NAALAD2: variants seen among roughly 807,000 people sequenced by gnomAD.
NAALAD2 encodes the protein N-acetylated-alpha-linked acidic dipeptidase 2.
A neutral mutation model predicts 95.6 loss-of-function variants in NAALAD2; 89 were observed. The observed-to-expected ratio is 0.93, with a 90% CI of 0.78 to 1.11. The LOEUF is 1.11. NAALAD2 is among the 50% of genes least tolerant of loss of function. The pLI, the probability that NAALAD2 is intolerant of heterozygous loss-of-function variation, is 0.00. For missense variants in NAALAD2, 894 were observed against 872.4 expected (o/e 1.02, Z -0.31); for synonymous variants, 264 against 294.4 (o/e 0.90, Z 1.06).
At chr11:90,174,967 T>C (rs1952745088) in intron 14 of NAALAD2, among the ~76,000 whole-genome samples, 1 of 152,088 alleles carries the variant, frequency 6.6e-6, no homozygotes, top group Non-Finnish European at 1.5e-5. Context: ...TTATGTAAAA[T>C]TAAGTTTAGG....
At chr11:90,168,858 A>G (rs2134943264) in intron 11 of NAALAD2, 71 bp from the exon 12 acceptor site, 2 of 1,256,760 alleles carry the variant, frequency 1.6e-6, no homozygotes, top group Non-Finnish European at 2.3e-6. Flanking sequence ...CACGAAATTA[A>G]TTTGCTTATT....
chr11:90,147,216 A>T, intron 2 of NAALAD2, 114 bp from the exon 3 acceptor site: 1 of 820,644 alleles, frequency 1.2e-6, no homozygotes. Flanking sequence ...TTTATCTGTC[A>T]TATAGGAATG....
intron 1 of NAALAD2, 125 bp from the exon 2 acceptor site, chr11:90,135,434 C>T (rs1321706187): frequency 6.0e-6 from 3 of 496,006 alleles, no homozygotes; most frequent in African/African-American, 1.9e-5. Flanking sequence ...TTTTAAAGCT[C>T]ACCATGATCT....
chr11:90,138,725 C>CTTTTTTTTTTTTTTTTTTTT (rs562496549), intron 2 of NAALAD2, among the ~76,000 whole-genome samples: 3 of 61,528 alleles, frequency 4.9e-5, no homozygotes, highest in Admixed American at 2.0e-4. Flanking sequence ...CATCCCTCAA[C>CTTTTTTTTTTTTTTTTTTTT]TTTTTTTTTT....
chr11:90,155,400 AT>A (rs1229477340), intron 6 of NAALAD2, among the ~76,000 whole-genome samples: 1 of 80,598 alleles, frequency 1.2e-5, no homozygotes, highest in South Asian at 3.4e-4. Flanking sequence ...AATATATAAT[AT>A]ATATAATGTA....
At chr11:90,144,797 G>A (rs1951711810) in intron 2 of NAALAD2, among the ~76,000 whole-genome samples, 1 of 147,612 alleles carries the variant, frequency 6.8e-6, no homozygotes, top group Admixed American at 7.0e-5. Flanking sequence ...ATTCAGAGAA[G>A]GTGCTGAAGA....
chr11:90,175,711 T>C (rs1952770349), intron 14 of NAALAD2, among the ~76,000 whole-genome samples: 1 of 152,172 alleles, frequency 6.6e-6, no homozygotes, highest in African/African-American at 2.4e-5. Context: ...CCAATTCTTG[T>C]TATAGGTTGG....
Position 90,191,695 on chromosome 11 carries a change from T to A in NAALAD2, c.2171T>A (p.Ile724Asn). The A allele has an allele frequency of 1.2e-6, 2 of 1,600,512 alleles. No homozygotes were observed. The highest frequency in any genetic ancestry group is 2.3e-5 in the South Asian group (2 of 87,528). ...AWKEVKKHIS[I>N]AAFTIQAAAG... ...AAAGAAGTAAAGAAACATATTTCTA[T>A]TGCAGCTTTTACAATTCAAGCAGCA... Residue 724 changes from isoleucine (I) to asparagine (N), a missense_variant, in exon 19 of 19, where the codon ATT becomes AAT. Physicochemically the swap from Ile to Asn is moderately radical, Grantham distance 149. Coordinates refer to ENST00000534061, the MANE Select transcript of NAALAD2 (RefSeq NM_005467.4).
At chr11:90,150,725 C>T (rs56341659) in intron 5 of NAALAD2, 118 bp downstream of exon 5, 353,382 of 934,612 alleles carry the variant, frequency 0.38, 69,713 homozygotes, top group African/African-American at 0.62. Context: ...TTCTTTTTTT[C>T]TTCCTATTTG....
At chr11:90,155,421 A>G (rs1373829626) in intron 6 of NAALAD2, among the ~76,000 whole-genome samples, 3 of 105,076 alleles carry the variant, frequency 2.9e-5, no homozygotes, top group Non-Finnish European at 5.2e-5. Flanking sequence ...AATATTACAT[A>G]TTATACATGT....
At chr11:90,140,237 A>G (rs1335219890) in intron 2 of NAALAD2, among the ~76,000 whole-genome samples, 1 of 152,162 alleles carries the variant, frequency 6.6e-6, no homozygotes, top group Non-Finnish European at 1.5e-5. Context: ...GTAGTACACA[A>G]TGTATTACAG....
intron 12 of NAALAD2, chr11:90,169,216 G>T: frequency 5.2e-6 from 2 of 382,190 alleles, no homozygotes; most frequent in Non-Finnish European, 4.6e-6. Context: ...TCATAACTAA[G>T]CTATTGCTTT....
Position 90,134,742 on chromosome 11 carries a change from T to C in NAALAD2, c.-17T>C, listed in dbSNP as rs966996173. The stretch of plus-strand genomic sequence containing the variant: ...CGCGAATGTAGCAGGCGCCCCAAGC[T>C]CGGTCCTCAAGAAGCCATGGCGGAA... On this transcript the variant is annotated 5_prime_UTR_variant, in exon 1 of 19. Coordinates refer to ENST00000534061, the MANE Select transcript of NAALAD2 (RefSeq NM_005467.4). 1.1e-5 allele frequency: 17 copies of C among 1,613,182 alleles called. No homozygotes were observed. The highest frequency in any genetic ancestry group is 1.4e-5 in the Non-Finnish European group (17 of 1,179,852).
In NAALAD2 at chr11:90,152,482, A is replaced by C. The variant is rs757856804; in HGVS notation, c.794A>C (p.Lys265Thr). 9.3e-6 allele frequency: 15 copies of C among 1,606,158 alleles called. No individual in the cohort carries two copies. In the African/African-American group the frequency reaches 1.7e-4, roughly 19 times the overall value. The change falls in exon 6 of 19, where the codon AAA becomes ACA. Residue 265 changes from lysine to threonine, a missense_variant and splice_region_variant. Transcript: ENST00000534061. ...GDPLTPGYPA[K>T]EYTFRLDVEE... ...CCACTCACTCCAGGCTATCCAGCAAAAGGTAAGGGATGAGCCTATCAGTCC... is the reference window on the plus strand; with the variant it reads ...CCACTCACTCCAGGCTATCCAGCAACAGGTAAGGGATGAGCCTATCAGTCC...
intron 12 of NAALAD2, chr11:90,169,316 A>T: frequency 5.3e-6 from 1 of 189,786 alleles, no homozygotes; most frequent in Non-Finnish European, 1.1e-5. Context: ...ATATTAATGG[A>T]ATTTGGCTAA....
rs1951914405 is a variant in NAALAD2 at position 90,152,451 on chromosome 11, G to C, written c.763G>C (p.Gly255Arg). The C allele has an allele frequency of 6.2e-7, 1 of 1,613,360 alleles. No individual in the cohort carries two copies. Among genetic ancestry groups the C allele is most frequent in the Admixed American group, 1.7e-5 (1 of 59,980 alleles). Residue 255 changes from glycine (G) to arginine (R), a missense_variant, in exon 6 of 19, where the codon GGT becomes CGT. Transcript: ENST00000534061. The part of the protein sequence containing the change: ...RGNVLNLNGA[G>R]DPLTPGYPAK... ...AAATGTGTTAAATTTGAATGGTGCT[G>C]GTGACCCACTCACTCCAGGCTATCC...
At position 90,142,268 on chromosome 11, in the gene NAALAD2, C is replaced by T. The variant is rs372657117; in HGVS notation, c.195-5062C>T. Reference sequence around the variant, plus strand: ...CAGAGGTATGTTATAGTTTTCTCCACGAATGCGAAATTGTCTATTTGTCCC... The same window carrying T: ...CAGAGGTATGTTATAGTTTTCTCCATGAATGCGAAATTGTCTATTTGTCCC... On this transcript the variant is annotated intron_variant, in intron 2 of 18. Transcript: ENST00000534061. Among the ~76,000 whole-genome samples the T allele has an allele frequency of 2.8e-4, 42 of 152,154 alleles. No individual in the cohort carries two copies. In the East Asian group the frequency reaches 4.1e-3, roughly 15 times the overall value.
At chr11:90,178,179 C>T in intron 16 of NAALAD2, 62 bp downstream of exon 16, 2 of 1,482,296 alleles carry the variant, frequency 1.3e-6, no homozygotes, top group Admixed American at 2.1e-5. Flanking sequence ...ATATTATCTC[C>T]TATGATGATC....
intron 2 of NAALAD2, among the ~76,000 whole-genome samples, chr11:90,141,622 G>C (rs1451625538): frequency 6.7e-6 from 1 of 149,016 alleles, no homozygotes; most frequent in East Asian, 2.0e-4. Flanking sequence ...TTTGGTTTTG[G>C]GGGGGTTTTC....
Sources: allele counts gnomAD v4.1 joint callset (sites outside exome capture counted in the v4.1 genomes callset), GRCh38; gene constraint gnomAD v4.1.1; transcripts MANE v1.5; gene names NCBI Gene and HGNC (gene_info 2026-07-23, HGNC 2026-07-21).